The following AFF3 variants were observed in gnomAD, a reference collection of about 807,000 sequenced individuals.
AFF3 encodes AF4/FMR2 family member 3.
In AFF3, 32 loss-of-function variants were observed where a neutral mutation model predicts 129.7. The ratio of observed to expected loss-of-function variants is 0.25; its 90% CI spans 0.19 to 0.33. The LOEUF (loss-of-function observed/expected upper bound fraction) is 0.33, where lower values mean the gene tolerates loss of function less well. Ranked by LOEUF, AFF3 falls within the 10% of genes least tolerant of loss-of-function variation. The pLI, the probability that AFF3 is intolerant of heterozygous loss-of-function variation, is 1.00. For synonymous variants in AFF3, 644 were observed against 635.4 expected, an observed-to-expected ratio of 1.01 and a Z score of -0.20; for missense variants, 1,373 against 1,592.0, an observed-to-expected ratio of 0.86 and a Z score of 2.34.
chr2:100,084,384 T>C (rs185122826), intron 4 of AFF3, among the ~76,000 whole-genome samples: 1,907 of 152,304 alleles, frequency 0.013, 43 homozygotes, highest in African/African-American at 0.044. Flanking sequence ...CTATTCACAA[T>C]AGACAAAATA....
intron 1 of AFF3, among the ~76,000 whole-genome samples, chr2:100,142,206 T>A (rs1692916869): frequency 1.3e-5 from 2 of 149,084 alleles, no homozygotes; most frequent in South Asian, 4.2e-4. Flanking sequence ...ATGTGCACCC[T>A]CTACCACACA....
chr2:99,742,317 C>A (rs1680784526), intron 10 of AFF3, among the ~76,000 whole-genome samples: 1 of 151,894 alleles, frequency 6.6e-6, no homozygotes, highest in South Asian at 2.1e-4. Context: ...GTACTCTAGC[C>A]TGGGCAACAG....
At chr2:99,559,140 A>G (rs1675234423) in intron 21 of AFF3, among the ~76,000 whole-genome samples, 172 bp from the exon 22 acceptor site, 1 of 152,248 alleles carries the variant, frequency 6.6e-6, no homozygotes, top group East Asian at 1.9e-4. Flanking sequence ...TTTTGTCCAA[A>G]AATAGAATTC....
chr2:99,790,841 C>T (rs186983564), intron 8 of AFF3, among the ~76,000 whole-genome samples: 11 of 152,302 alleles, frequency 7.2e-5, no homozygotes, highest in Admixed American at 5.9e-4. Context: ...CACACGTCCA[C>T]ACAAAAACTT....
At chr2:100,029,821 T>C (rs1030261596) in intron 4 of AFF3, among the ~76,000 whole-genome samples, 3 of 152,146 alleles carry the variant, frequency 2.0e-5, no homozygotes, top group Non-Finnish European at 4.4e-5. Context: ...TCTGAGAACT[T>C]TGGGAGACCA....
At chr2:100,041,088 C>A (rs569466262) in intron 4 of AFF3, among the ~76,000 whole-genome samples, 1 of 152,322 alleles carries the variant, frequency 6.6e-6, no homozygotes, top group Non-Finnish European at 1.5e-5. Flanking sequence ...CTACACAAAC[C>A]ATCTCAGCAA....
At chr2:99,917,149 T>C (rs1010777201) in intron 7 of AFF3, among the ~76,000 whole-genome samples, 1 of 152,136 alleles carries the variant, frequency 6.6e-6, no homozygotes, top group African/African-American at 2.4e-5. Context: ...GCCTACCCCA[T>C]TGCAGGGATA....
At chr2:100,106,371 T>C in intron 2 of AFF3, 5 of 1,118,186 alleles carry the variant, frequency 4.5e-6, no homozygotes, top group Non-Finnish European at 5.5e-6. Context: ...AATATGAATA[T>C]AGGAAAAAGT....
At chr2:100,005,083 C>T (rs1488372246) in intron 7 of AFF3, among the ~76,000 whole-genome samples, 1 of 152,126 alleles carries the variant, frequency 6.6e-6, no homozygotes, top group Non-Finnish European at 1.5e-5. Context: ...GCATCCCCCT[C>T]TCTCTCTGCT....
intron 13 of AFF3, among the ~76,000 whole-genome samples, chr2:99,641,349 C>T (rs1440576503): frequency 1.3e-5 from 2 of 152,096 alleles, no homozygotes; most frequent in Non-Finnish European, 1.5e-5. Context: ...GTTTGGAAAG[C>T]AAGACTCACT....
At chr2:99,957,584 C>G (rs1436429798) in intron 7 of AFF3, among the ~76,000 whole-genome samples, 1 of 152,192 alleles carries the variant, frequency 6.6e-6, no homozygotes, top group Non-Finnish European at 1.5e-5. Flanking sequence ...CGAGGCAGCA[C>G]AGTCTCCAAA....
At chr2:99,666,064 G>C (rs374768182) in intron 12 of AFF3, among the ~76,000 whole-genome samples, 1 of 152,164 alleles carries the variant, frequency 6.6e-6, no homozygotes, top group Non-Finnish European at 1.5e-5. Flanking sequence ...ATAGGAGCAG[G>C]GCAGTGTCCT....
intron 9 of AFF3, 71 bp from the exon 10 acceptor site, chr2:99,744,211 T>G: frequency 7.3e-7 from 1 of 1,368,800 alleles, no homozygotes; most frequent in South Asian, 1.2e-5. Flanking sequence ...CATGAGATCA[T>G]GTTTAAAACT....
chr2:99,729,449 G>C (rs1257950248), intron 10 of AFF3, among the ~76,000 whole-genome samples: 1 of 152,156 alleles, frequency 6.6e-6, no homozygotes, highest in Non-Finnish European at 1.5e-5. Flanking sequence ...CTGAGAGGGA[G>C]TGTTCTCAGC....
chr2:99,654,211 T>C (rs1388877997), intron 12 of AFF3, among the ~76,000 whole-genome samples: 2 of 152,232 alleles, frequency 1.3e-5, no homozygotes, highest in Admixed American at 6.5e-5. Flanking sequence ...CTAATTTTCA[T>C]TGTGCTATTT....
intron 7 of AFF3, among the ~76,000 whole-genome samples, chr2:99,866,121 G>C (rs1279262862): frequency 6.6e-6 from 1 of 152,170 alleles, no homozygotes; most frequent in Non-Finnish European, 1.5e-5. Context: ...TCTTAGACTG[G>C]TTGGAAATGG....
At chr2:99,899,061 G>GTA (rs1173748461) in intron 7 of AFF3, among the ~76,000 whole-genome samples, 5 of 152,170 alleles carry the variant, frequency 3.3e-5, no homozygotes, top group Non-Finnish European at 1.5e-5. Flanking sequence ...TCACAGGGCT[G>GTA]GGCACACAGA....
At chr2:99,872,098 CG>C (rs1353731960) in intron 7 of AFF3, among the ~76,000 whole-genome samples, 6 of 145,740 alleles carry the variant, frequency 4.1e-5, no homozygotes, top group Non-Finnish European at 7.5e-5. Context: ...CCCAGCTACT[CG>C]GGAGGCTGAG....
chr2:99,737,839 T>C (rs186329320), intron 10 of AFF3, among the ~76,000 whole-genome samples: 33 of 152,124 alleles, frequency 2.2e-4, no homozygotes, highest in Non-Finnish European at 4.3e-4. Context: ...CTGTTTTCCA[T>C]TTCTGTCTCT....
Sources: gnomAD v4.1 joint callset for allele counts (sites outside exome capture counted in the v4.1 genomes callset) on GRCh38, gnomAD v4.1.1 for gene constraint, MANE v1.5 for transcripts, NCBI Gene and HGNC (gene_info 2026-07-23, HGNC 2026-07-21) for gene names.